FSHR: variants seen among roughly 807,000 people sequenced by gnomAD.
FSHR encodes the protein follicle-stimulating hormone receptor.
A neutral mutation model predicts 52.1 loss-of-function variants in FSHR; 46 were observed. The ratio of observed to expected loss-of-function variants is 0.88; its 90% confidence interval spans 0.70 to 1.13. FSHR has a LOEUF of 1.13. FSHR is among the 50% of genes most tolerant of loss of function. The pLI is 0.00. For missense variants in FSHR, 964 were observed against 834.6 expected, an observed-to-expected ratio of 1.16 and a Z score of -1.91; for synonymous variants, 399 against 309.6, an observed-to-expected ratio of 1.29 and a Z score of -3.03.
chr2:49,038,612 A>G (rs936019130), intron 2 of FSHR, among the ~76,000 whole-genome samples: 3 of 132,358 alleles, frequency 2.3e-5, no homozygotes, highest in Admixed American at 7.9e-5. Flanking sequence ...GCGACAGAGC[A>G]AGACTCTGTC....
chr2:48,983,767 C>T (rs1367105645), intron 6 of FSHR, among the ~76,000 whole-genome samples: 1 of 152,084 alleles, frequency 6.6e-6, no homozygotes, highest in African/African-American at 2.4e-5. Context: ...GAAGAGAAAT[C>T]AATTACAGAG....
intron 2 of FSHR, among the ~76,000 whole-genome samples, chr2:49,035,932 C>T (rs893277856): frequency 1.3e-5 from 2 of 152,194 alleles, no homozygotes; most frequent in Non-Finnish European, 2.9e-5. Context: ...TAGTAACTTT[C>T]ATTTGAGGTC....
chr2:49,014,141 T>G (rs1667397999), intron 4 of FSHR, among the ~76,000 whole-genome samples: 1 of 152,162 alleles, frequency 6.6e-6, no homozygotes, highest in Non-Finnish European at 1.5e-5. Context: ...AGTAGTCTGT[T>G]AGAGCAGCCC....
chr2:49,036,269 G>T (rs1005398699), intron 2 of FSHR, among the ~76,000 whole-genome samples: 1 of 151,618 alleles, frequency 6.6e-6, no homozygotes. Context: ...CCTCTTTTGG[G>T]GTCTGAAATT....
chr2:48,990,394 C>G (rs191486651), intron 5 of FSHR, among the ~76,000 whole-genome samples, 172 bp downstream of exon 5: 36 of 152,302 alleles, frequency 2.4e-4, no homozygotes, highest in Middle Eastern at 3.4e-3. Context: ...CTAATATTGA[C>G]TGGCCTGCAG....
rs1675319218 is a variant in FSHR, at chr2:48,982,951, G to A, written c.629C>T (p.Pro210Leu). The part of the protein sequence containing the change: ...LSDNNNLEEL[P>L]NDVFHGASGP... The stretch of plus-strand genomic sequence containing the variant: ...AGAGGCTCCGTGGAAAACATCATTA[G>A]GCAATTCTTCTAAATTATTATTATC... Residue 210 changes from proline to leucine, a missense_variant, in exon 8 of 10, where the codon CCT (proline) becomes CTT (leucine). By Grantham distance (98) the Pro-to-Leu change is moderately conservative (BLOSUM62 -3). Coordinates refer to ENST00000406846, the MANE Select transcript of FSHR (RefSeq NM_000145.4). 1 of 1,613,976 alleles carries A rather than the reference G, an allele frequency of 6.2e-7. No individual in the cohort carries two copies.
intron 1 of FSHR, among the ~76,000 whole-genome samples, chr2:49,105,790 T>C (rs1671199999): frequency 6.6e-6 from 1 of 152,102 alleles, no homozygotes; most frequent in South Asian, 2.1e-4. Context: ...TAGGAAGAGG[T>C]GCATCTGGAT....
chr2:49,138,973 G>A lies in FSHR; in HGVS notation c.152+15293C>T, dbSNP rs138689197. 4.5e-4 allele frequency among the ~76,000 whole-genome samples: 69 copies of A among 152,238 alleles called. No homozygotes were observed. The South Asian group carries it at 6.6e-3, about 15-fold the overall frequency. On this transcript the variant is annotated intron_variant, in intron 1 of 9. Coordinates refer to ENST00000406846, the MANE Select transcript of FSHR (RefSeq NM_000145.4). The stretch of plus-strand genomic sequence containing the variant: ...GAGATAAAGGTGGTAGTGGGAGGTC[G>A]TCTGTGCAATAGCAAGCTTAAAATT...
At position 49,051,596 on chromosome 2, in the gene FSHR, A is replaced by G. The variant is rs1473561437; in HGVS notation, c.224+16623T>C. On this transcript the variant is annotated intron_variant, in intron 2 of 9. Transcript: ENST00000406846. ...ATGTTCTTGATACAAGTCCTTTTTC[A>G]GATATATGTATTGCAGATATTTTCT... Among the ~76,000 whole-genome samples, 4 of 151,894 alleles carry G rather than the reference A, an allele frequency of 2.6e-5. No individual in the cohort carries two copies. The East Asian group carries it at 7.7e-4, about 29-fold the overall frequency.
intron 2 of FSHR, among the ~76,000 whole-genome samples, chr2:49,065,541 G>C (rs189323054): frequency 1.3e-4 from 20 of 151,996 alleles, no homozygotes; most frequent in African/African-American, 4.8e-4. Context: ...GGCAATATGG[G>C]AATACGAGAA....
chr2:49,020,055 C>T, intron 3 of FSHR, 31 bp downstream of exon 3: 2 of 1,588,562 alleles, frequency 1.3e-6, no homozygotes, highest in Non-Finnish European at 1.7e-6. Context: ...CAAGAATGGC[C>T]ATGAGCAAAT....
At chr2:49,121,829 G>A (rs1003623854) in intron 1 of FSHR, among the ~76,000 whole-genome samples, 2 of 151,916 alleles carry the variant, frequency 1.3e-5, no homozygotes, top group Non-Finnish European at 2.9e-5. Flanking sequence ...ATATCCATAA[G>A]GTAGTGTTTC....
At chr2:49,085,221 A>G (rs1670329600) in intron 1 of FSHR, among the ~76,000 whole-genome samples, 2 of 152,262 alleles carry the variant, frequency 1.3e-5, no homozygotes, top group Admixed American at 6.5e-5. Context: ...AATCCAGCAT[A>G]TAAACAGAAC....
chr2:49,114,732 G>A (rs1304766440), intron 1 of FSHR, among the ~76,000 whole-genome samples: 1 of 152,046 alleles, frequency 6.6e-6, no homozygotes, highest in Non-Finnish European at 1.5e-5. Flanking sequence ...AAGTTGGGAT[G>A]GTTTCTCTCT....
intron 1 of FSHR, among the ~76,000 whole-genome samples, chr2:49,086,438 G>A (rs183312606): frequency 1.1e-3 from 165 of 152,286 alleles, no homozygotes; most frequent in African/African-American, 3.9e-3. Flanking sequence ...AGTCCTTGCT[G>A]ATTTGTTCTT....
chr2:49,028,873 GAGAA>G (rs1668001864), intron 2 of FSHR, among the ~76,000 whole-genome samples: 3 of 152,164 alleles, frequency 2.0e-5, no homozygotes, highest in Admixed American at 6.5e-5. Flanking sequence ...ACCACTCGAT[GAGAA>G]AGAAAGAAAC....
chr2:49,149,075 T>A (rs982918505), intron 1 of FSHR, among the ~76,000 whole-genome samples: 3 of 151,890 alleles, frequency 2.0e-5, no homozygotes, highest in Non-Finnish European at 2.9e-5. Flanking sequence ...TTAAAAAAAA[T>A]ATTATTATTA....
intron 9 of FSHR, among the ~76,000 whole-genome samples, 182 bp from the exon 10 acceptor site, chr2:48,964,148 A>T (rs1412091223): frequency 6.6e-6 from 1 of 151,974 alleles, no homozygotes; most frequent in African/African-American, 2.4e-5. Flanking sequence ...AAATGAATAT[A>T]ACAACTTGTA....
At chr2:49,076,448 G>A (rs1669954138) in intron 1 of FSHR, among the ~76,000 whole-genome samples, 1 of 152,104 alleles carries the variant, frequency 6.6e-6, no homozygotes, top group South Asian at 2.1e-4. Flanking sequence ...CCGCCCCCTT[G>A]ATTCAATTAC....
Sources: gnomAD v4.1 joint callset for allele counts (sites outside exome capture counted in the v4.1 genomes callset) on GRCh38, gnomAD v4.1.1 for gene constraint, MANE v1.5 for transcripts, NCBI Gene and HGNC (gene_info 2026-07-23, HGNC 2026-07-21) for gene names.